Variants in PAPOLG observed in about 807,000 individuals in gnomAD.
PAPOLG encodes poly(A) polymerase gamma.
Under a neutral mutation model 99.0 loss-of-function variants are expected in PAPOLG, and 40 were observed. The ratio of observed to expected loss-of-function variants is 0.40; its 90% CI spans 0.31 to 0.53. The LOEUF (loss-of-function observed/expected upper bound fraction) is 0.53. Among genes scored for constraint, PAPOLG ranks in the 20% least tolerant of loss-of-function variants. PAPOLG has a pLI of 0.41. For missense variants in PAPOLG, 675 were observed against 884.1 expected (o/e 0.76, Z 3.00); for synonymous variants, 310 against 299.3 (o/e 1.04, Z -0.37).
At position 60,787,782 on chromosome 2, in the gene PAPOLG, T is replaced by C. The variant is rs1192059114; in HGVS notation, c.1396+162T>C. ...AAAACAGGAAAGGAGCCGGGTGCGG[T>C]GGCTAATGCCTGTAATCCCAGCACT... On this transcript the variant is annotated intron_variant, in intron 15 of 21. Transcript: ENST00000238714. 2.6e-5 allele frequency among the ~76,000 whole-genome samples: 4 copies of C among 152,340 alleles called. No homozygotes were observed. In the East Asian group the frequency reaches 7.7e-4, roughly 29 times the overall value.
intron 13 of PAPOLG, among the ~76,000 whole-genome samples, chr2:60,785,594 A>G (rs902205789): frequency 6.6e-6 from 1 of 151,534 alleles, no homozygotes; most frequent in African/African-American, 2.4e-5. Flanking sequence ...TGGGGTGATC[A>G]TACTGCAACC....
intron 3 of PAPOLG, among the ~76,000 whole-genome samples, chr2:60,762,659 C>G (rs1420022316): frequency 2.0e-5 from 3 of 151,542 alleles, no homozygotes; most frequent in Non-Finnish European, 4.4e-5. Flanking sequence ...TGGAATCTCC[C>G]TCTTTGGCCA....
At chr2:60,764,643 C>G (rs1474490655) in intron 3 of PAPOLG, among the ~76,000 whole-genome samples, 1 of 152,126 alleles carries the variant, frequency 6.6e-6, no homozygotes, top group Non-Finnish European at 1.5e-5. Context: ...CCAGGCTGAT[C>G]TCGAACTCCT....
chr2:60,783,225 C>T lies in PAPOLG; in HGVS notation c.1166+16C>T. The T allele has an allele frequency of 6.6e-7, 1 of 1,505,924 alleles. No homozygotes were observed. Among genetic ancestry groups the T allele is most frequent in the African/African-American group, 1.4e-5 (1 of 71,706 alleles). 93.3% of individuals were successfully genotyped at this position (1,505,924 alleles called of 1,614,324 possible). On this transcript the variant is annotated intron_variant, in intron 13 of 21. Coordinates refer to ENST00000238714, the MANE Select transcript of PAPOLG (RefSeq NM_022894.4). ...ATCTAGAGTGGTAAGACTTCTATTT[C>T]AAGTTTTCTACCTACTGTGTGGTGA...
At position 60,775,030 on chromosome 2, in the gene PAPOLG, TC is replaced by T; in HGVS notation, c.605-3del. The T allele has an allele frequency of 1.2e-6, 2 of 1,613,190 alleles. No individual in the cohort carries two copies. Among genetic ancestry groups the T allele is most frequent in the Non-Finnish European group, 1.7e-6 (2 of 1,179,754 alleles). On this transcript the variant is annotated splice_polypyrimidine_tract_variant and splice_region_variant and intron_variant, in intron 7 of 21. Coordinates refer to ENST00000238714, the MANE Select transcript of PAPOLG (RefSeq NM_022894.4). ...GTGAAAAATGAATGCTTTGTCTTTT[TC>T]AGGTTGTAGAGTTACTGATGAAATT...
At chr2:60,756,598 C>G in intron 1 of PAPOLG, 103 bp downstream of exon 1, 2 of 1,271,284 alleles carry the variant, frequency 1.6e-6, no homozygotes, top group Non-Finnish European at 2.1e-6. Context: ...GCCCTGCACG[C>G]AGCTCGCCGG....
At chr2:60,780,674 C>T (rs749924631) in intron 9 of PAPOLG, 33 bp from the exon 10 acceptor site, 18 of 1,606,454 alleles carry the variant, frequency 1.1e-5, no homozygotes, top group Non-Finnish European at 1.5e-5. Flanking sequence ...GAAGTGAGAT[C>T]ATGTGTAAGT....
intron 13 of PAPOLG, 122 bp from the exon 14 acceptor site, chr2:60,786,825 C>A: frequency 8.2e-7 from 1 of 1,217,950 alleles, no homozygotes; most frequent in Non-Finnish European, 1.1e-6. Flanking sequence ...CCACCATGCC[C>A]AGCCCGAAGT....
chr2:60,787,170 G>A, intron 14 of PAPOLG, 104 bp downstream of exon 14: 1 of 999,314 alleles, frequency 1.0e-6, no homozygotes, highest in Non-Finnish European at 1.4e-6. Flanking sequence ...GCATTGATGG[G>A]AGTATGACAC....
At chr2:60,777,124 A>G (rs1671044138) in intron 8 of PAPOLG, among the ~76,000 whole-genome samples, 1 of 152,154 alleles carries the variant, frequency 6.6e-6, no homozygotes, top group South Asian at 2.1e-4. Flanking sequence ...CTAAGGAAAC[A>G]TTGTGTCTTG....
chr2:60,770,595 T>C, intron 6 of PAPOLG, 84 bp downstream of exon 6: 5 of 854,218 alleles, frequency 5.9e-6, no homozygotes, highest in Non-Finnish European at 8.8e-6. Context: ...TTAACATAAA[T>C]GCATATTTTA....
intron 8 of PAPOLG, among the ~76,000 whole-genome samples, chr2:60,776,227 T>C (rs1271099118): frequency 6.6e-6 from 1 of 152,084 alleles, no homozygotes; most frequent in East Asian, 1.9e-4. Context: ...CAGTCCTACT[T>C]AGAAAGGAAT....
chr2:60,790,483 G>A (rs1033374771), intron 15 of PAPOLG, among the ~76,000 whole-genome samples: 1 of 152,156 alleles, frequency 6.6e-6, no homozygotes, highest in Non-Finnish European at 1.5e-5. Context: ...TTGTGTGGTA[G>A]TTAATAAAAC....
intron 1 of PAPOLG, among the ~76,000 whole-genome samples, chr2:60,758,332 T>G (rs929473051): frequency 2.7e-5 from 3 of 109,562 alleles, no homozygotes; most frequent in Non-Finnish European, 4.3e-5. Context: ...TCTGGGGTTT[T>G]TTTTTTTTTT....
Position 60,794,058 on chromosome 2 carries a change from C to T in PAPOLG, c.1856C>T (p.Thr619Ile). ...GGACGAAATGTCATTCCTAGAATCA[C>T]AACACCTCACAACCCTGCCCAGGGA... Reference protein sequence around the residue: ...VVGRNVIPRITTPHNPAQGQP... With the variant: ...VVGRNVIPRIITPHNPAQGQP... The change falls in exon 19 of 22, where the codon ACA becomes ATA. Residue 619 changes from threonine to isoleucine, a missense_variant. Coordinates refer to ENST00000238714, the MANE Select transcript of PAPOLG (RefSeq NM_022894.4). 2 of 1,614,116 alleles carry T rather than the reference C, an allele frequency of 1.2e-6. No individual in the cohort carries two copies. The highest frequency in any genetic ancestry group is 1.7e-6 in the Non-Finnish European group (2 of 1,179,990).
In PAPOLG at chr2:60,783,185, C is replaced by T. The variant is rs961910055; in HGVS notation, c.1142C>T (p.Ser381Leu). The change falls in exon 13 of 22, where the codon TCA (serine) becomes TTA (leucine). Residue 381 changes from serine (S) to leucine (L), a missense_variant. Physicochemically the swap from Ser to Leu is moderately radical, Grantham distance 145. Coordinates refer to ENST00000238714, the MANE Select transcript of PAPOLG (RefSeq NM_022894.4). The stretch of plus-strand genomic sequence containing the variant: ...TATATAGTATTGACTGCCAGCGCAT[C>T]AACAGAAGAAAACCATCTAGAGTGG... ...RHYIVLTASA[S>L]TEENHLEWVG... The T allele has an allele frequency of 2.5e-6, 4 of 1,591,590 alleles. No homozygotes were observed. In the African/African-American group the frequency reaches 5.4e-5, roughly 22 times the overall value.
chr2:60,781,565 G>C (rs1056535464), intron 10 of PAPOLG, among the ~76,000 whole-genome samples: 10 of 152,132 alleles, frequency 6.6e-5, no homozygotes, highest in Non-Finnish European at 1.3e-4. Context: ...AAAGGATTGA[G>C]AACCATTAAA....
chr2:60,765,911 C>T (rs1432145781), intron 3 of PAPOLG, among the ~76,000 whole-genome samples: 1 of 152,122 alleles, frequency 6.6e-6, no homozygotes, highest in Admixed American at 6.5e-5. Context: ...CCTAAGAGTT[C>T]AAGGCCAGCC....
intron 3 of PAPOLG, 97 bp downstream of exon 3, chr2:60,761,904 T>G: frequency 1.1e-6 from 1 of 882,972 alleles, no homozygotes; most frequent in Non-Finnish European, 1.8e-6. Context: ...CTGAAATACA[T>G]CAAAGCTTGG....
Sources: gnomAD v4.1 joint callset for allele counts (sites outside exome capture counted in the v4.1 genomes callset) on GRCh38, gnomAD v4.1.1 for gene constraint, MANE v1.5 for transcripts, NCBI Gene and HGNC (gene_info 2026-07-23, HGNC 2026-07-21) for gene names.